The following ZDHHC11 variants were observed in gnomAD, a reference collection of about 807,000 sequenced individuals.
The protein encoded by ZDHHC11 is palmitoyltransferase ZDHHC11.
A neutral mutation model predicts 51.3 loss-of-function variants in ZDHHC11; 44 were observed. That is an observed-to-expected ratio of 0.86 (90% CI 0.67 to 1.10). The LOEUF (loss-of-function observed/expected upper bound fraction) is 1.10, where lower values mean the gene tolerates loss of function less well. ZDHHC11 is among the 50% of genes least tolerant of loss of function. The pLI is 0.00. For synonymous variants in ZDHHC11, 163 were observed against 222.0 expected (o/e 0.73, Z 2.36); for missense variants, 400 against 537.7 (o/e 0.74, Z 2.53).
intron 1 of ZDHHC11, 171 bp downstream of exon 1, chr5:850,210 A>G: frequency 1.4e-6 from 1 of 722,906 alleles, no homozygotes; most frequent in Non-Finnish European, 2.3e-6. Context: ...CAGGGGCTGC[A>G]CAGAGCATGA....
chr5:853,785 G>A (rs1325179037), upstream of ZDHHC11, among the ~76,000 whole-genome samples: 1 of 150,394 alleles, frequency 6.6e-6, no homozygotes, highest in Non-Finnish European at 1.5e-5. Context: ...AGACCGCACA[G>A]AGGACAGTGA....
At chr5:835,844 C>T (rs1018252669) in intron 6 of ZDHHC11, among the ~76,000 whole-genome samples, 6 of 151,760 alleles carry the variant, frequency 4.0e-5, no homozygotes, top group East Asian at 1.9e-4. Flanking sequence ...TTTTATTAGA[C>T]TATGAAAGGA....
In ZDHHC11 at chr5:840,724, A is replaced by G; in HGVS notation, c.629-74T>C. The G allele has an allele frequency of 1.2e-6, 2 of 1,601,102 alleles. 1 individual carries two copies. The highest frequency in any genetic ancestry group is 2.2e-5 in the South Asian group (2 of 89,566). ...CCACATCAGGTGGACGTCACAGACCAGAGCGTGCTGGGGATGGGGCGGTGT... is the reference window on the plus strand; with the variant it reads ...CCACATCAGGTGGACGTCACAGACCGGAGCGTGCTGGGGATGGGGCGGTGT... On this transcript the variant is annotated intron_variant, in intron 4 of 12. Transcript: ENST00000283441.
chr5:846,899 A>G (rs970483242), intron 3 of ZDHHC11, among the ~76,000 whole-genome samples: 1 of 44,098 alleles, frequency 2.3e-5, no homozygotes, highest in Non-Finnish European at 4.0e-5. Context: ...AACACCTCTC[A>G]TCCTTGCGCC....
chr5:842,193 C>T, intron 4 of ZDHHC11: 1 of 985,908 alleles, frequency 1.0e-6, no homozygotes, highest in Non-Finnish European at 1.2e-6. Context: ...GGAGAGAAGG[C>T]AGCACATGCC....
At chr5:842,839 C>T (rs28392573) in intron 4 of ZDHHC11, among the ~76,000 whole-genome samples, 4 of 136,376 alleles carry the variant, frequency 2.9e-5, no homozygotes, top group East Asian at 2.2e-4. Context: ...CTGTGGCTCC[C>T]GGCGACCCCG....
intron 4 of ZDHHC11, chr5:841,589 C>A: frequency 1.0e-6 from 1 of 999,030 alleles, no homozygotes. Flanking sequence ...GGCCCCAGCA[C>A]CCATCCCTTG....
chr5:816,694 A>G (rs1218567524), intron 10 of ZDHHC11: 3 of 597,000 alleles, frequency 5.0e-6, no homozygotes, highest in Non-Finnish European at 6.5e-6. Flanking sequence ...CTTTGTGATG[A>G]TGGGAATTCT....
intron 1 of ZDHHC11, 131 bp downstream of exon 1, chr5:850,250 G>A (rs1746970122): frequency 2.8e-6 from 3 of 1,060,032 alleles, no homozygotes; most frequent in Non-Finnish European, 4.1e-6. Flanking sequence ...GCAGGCTCAG[G>A]GGACATAGTC....
At chr5:824,207 C>A in intron 8 of ZDHHC11, 1 of 383,322 alleles carries the variant, frequency 2.6e-6, no homozygotes, top group Middle Eastern at 3.6e-4. Context: ...GCCTCTAATC[C>A]CTGTGCTATT....
intron 11 of ZDHHC11, among the ~76,000 whole-genome samples, chr5:807,019 G>A (rs1390657967): frequency 2.0e-5 from 3 of 151,116 alleles, no homozygotes; most frequent in African/African-American, 7.3e-5. Flanking sequence ...TACAACAGGA[G>A]ATCTGTCAAG....
At chr5:815,604 T>C (rs1204868965) in intron 10 of ZDHHC11, among the ~76,000 whole-genome samples, 2 of 150,922 alleles carry the variant, frequency 1.3e-5, no homozygotes, top group African/African-American at 4.9e-5. Flanking sequence ...CTTGCTTTCA[T>C]TGCTCTTGGG....
At chr5:852,771 C>CCA (rs1579828554), upstream of ZDHHC11, among the ~76,000 whole-genome samples, 5 of 142,646 alleles carry the variant, frequency 3.5e-5, no homozygotes, top group East Asian at 1.1e-3. Context: ...GGACAGCGAG[C>CCA]CGGGGGAAGA....
chr5:858,199 G>A (rs1484966289), intron 1 of ZDHHC11, among the ~76,000 whole-genome samples: 1 of 146,790 alleles, frequency 6.8e-6, no homozygotes, highest in Admixed American at 6.8e-5. Flanking sequence ...GGCCCCCAGA[G>A]TCTGTCCTGG....
chr5:828,441 C>T (rs945573572), intron 7 of ZDHHC11, among the ~76,000 whole-genome samples: 12 of 149,760 alleles, frequency 8.0e-5, no homozygotes, highest in East Asian at 5.9e-4. Flanking sequence ...ACGGGGCGGC[C>T]GGCCGGGTGG....
At chr5:843,573 G>A (rs761461995) in intron 4 of ZDHHC11, 27 bp downstream of exon 4, 2 of 1,607,620 alleles carry the variant, frequency 1.2e-6, no homozygotes, top group Non-Finnish European at 1.7e-6. Context: ...GCGAGGATGA[G>A]GCCCCTTGAG....
At chr5:854,036 G>A (rs1245131657), upstream of ZDHHC11, among the ~76,000 whole-genome samples, 14 of 116,906 alleles carry the variant, frequency 1.2e-4, no homozygotes, top group Admixed American at 7.0e-4. Flanking sequence ...GGGACAGACC[G>A]CACAGAGGAC....
chr5:844,026 TGTG>T (rs1169479852), intron 3 of ZDHHC11, among the ~76,000 whole-genome samples: 24 of 14,376 alleles, frequency 1.7e-3, no homozygotes, highest in African/African-American at 4.3e-3. Flanking sequence ...GCAGGGCAGG[TGTG>T]GGGGGCGCAG....
At position 814,697 on chromosome 5, in the gene ZDHHC11, T is replaced by G. The variant is rs187551575; in HGVS notation, c.1181+64A>C. The G allele has an allele frequency of 1.4e-4, 207 of 1,438,354 alleles. 3 individuals carry two copies. The highest frequency in any genetic ancestry group is 6.9e-4 in the East Asian group (28 of 40,696). 89.1% of individuals were successfully genotyped at this position (1,438,354 alleles called of 1,614,324 possible). On this transcript the variant is annotated intron_variant, in intron 11 of 12. Transcript: ENST00000283441. ...GTTAAATAGAGAACATATTTTCCTA[T>G]GTAATTTGAGTTCAGGCAAGTGTAG...
Sources: gnomAD v4.1 joint callset for allele counts (sites outside exome capture counted in the v4.1 genomes callset) on GRCh38, gnomAD v4.1.1 for gene constraint, MANE v1.5 for transcripts, NCBI Gene and HGNC (gene_info 2026-07-23, HGNC 2026-07-21) for gene names.